The following CNBD1 variants were observed in gnomAD, a reference collection of about 807,000 sequenced individuals.
CNBD1 encodes the protein cyclic nucleotide binding domain containing 1.
Under a neutral mutation model 54.4 loss-of-function variants are expected in CNBD1, and 71 were observed. That is an observed-to-expected ratio of 1.30 (90% CI 1.08 to 1.59). The LOEUF (loss-of-function observed/expected upper bound fraction) is 1.59, where lower values mean the gene tolerates loss of function less well. CNBD1 is among the 40% of genes most tolerant of loss of function. CNBD1 has a pLI of 0.00. For synonymous variants in CNBD1, 182 were observed against 170.7 expected, an observed-to-expected ratio of 1.07 and a Z score of -0.51; for missense variants, 659 against 518.0, an observed-to-expected ratio of 1.27 and a Z score of -2.64.
chr8:87,352,681 T>C (rs78589363), intron 9 of CNBD1, among the ~76,000 whole-genome samples: 2,825 of 152,194 alleles, frequency 0.019, 87 homozygotes, highest in African/African-American at 0.061. Flanking sequence ...TGAATGAGCA[T>C]GTTCTATATA....
intron 10 of CNBD1, among the ~76,000 whole-genome samples, chr8:87,357,491 A>G (rs1810443137): frequency 6.6e-6 from 1 of 152,154 alleles, no homozygotes; most frequent in Non-Finnish European, 1.5e-5. Flanking sequence ...TTAAAATTTT[A>G]ATACCTGCTC....
chr8:87,204,960 C>CTT (rs79939722), intron 4 of CNBD1, among the ~76,000 whole-genome samples: 1 of 145,638 alleles, frequency 6.9e-6, no homozygotes, highest in African/African-American at 2.5e-5. Flanking sequence ...TATTTTTAAA[C>CTT]TTTTTTTTTT....
At chr8:86,965,273 C>A (rs1247957473) in intron 4 of CNBD1, among the ~76,000 whole-genome samples, 1 of 152,046 alleles carries the variant, frequency 6.6e-6, no homozygotes, top group Non-Finnish European at 1.5e-5. Context: ...GCGCGGACAC[C>A]CTAATGGGCA....
intron 2 of CNBD1, among the ~76,000 whole-genome samples, chr8:86,897,398 C>T (rs1808862464): frequency 6.6e-6 from 1 of 152,008 alleles, no homozygotes; most frequent in Non-Finnish European, 1.5e-5. Context: ...TGGCTACTAC[C>T]CTAAGACGGG....
intron 4 of CNBD1, among the ~76,000 whole-genome samples, chr8:87,083,584 T>TC (rs199908663): frequency 7.8e-4 from 113 of 145,414 alleles, no homozygotes; most frequent in South Asian, 1.1e-3. Context: ...CCAATGTATT[T>TC]CTTTTTTTTT....
rs564856856 is a variant in CNBD1, at chr8:86,921,809, C to T, written c.272+16615C>T. On this transcript the variant is annotated intron_variant, in intron 3 of 10. Transcript: ENST00000518476. ...ATTCAGCCAAACTATGTCAAATAAC[C>T]TGTCATTTGTTTATTCAGTAAGACA... Among the ~76,000 whole-genome samples, 5 of 152,166 alleles carry T rather than the reference C, an allele frequency of 3.3e-5. 1 individual carries two copies. In the South Asian group the frequency reaches 8.3e-4, roughly 25 times the overall value.
intron 4 of CNBD1, among the ~76,000 whole-genome samples, chr8:87,084,630 C>T (rs779447733): frequency 6.6e-6 from 1 of 151,248 alleles, no homozygotes; most frequent in Non-Finnish European, 1.5e-5. Context: ...CTTTTAAAAC[C>T]TTTTCTTTAG....
chr8:87,156,856 G>C (rs894536939), intron 4 of CNBD1, among the ~76,000 whole-genome samples: 1 of 152,054 alleles, frequency 6.6e-6, no homozygotes, highest in Admixed American at 6.6e-5. Context: ...ATTCTACTCA[G>C]AAAGTAAATA....
At chr8:86,884,978 T>C (rs1808660535) in intron 1 of CNBD1, among the ~76,000 whole-genome samples, 1 of 152,228 alleles carries the variant, frequency 6.6e-6, no homozygotes, top group Non-Finnish European at 1.5e-5. Flanking sequence ...ATCTCTTTCT[T>C]GCCTCCTAGC....
intron 5 of CNBD1, among the ~76,000 whole-genome samples, chr8:87,229,681 A>G (rs1214463757): frequency 2.6e-5 from 4 of 152,098 alleles, no homozygotes; most frequent in Admixed American, 2.0e-4. Flanking sequence ...ACAATGTTAA[A>G]TTTTTTGTTT....
intron 10 of CNBD1, among the ~76,000 whole-genome samples, chr8:87,364,575 A>AT (rs1202616286): frequency 2.6e-5 from 4 of 151,710 alleles, no homozygotes; most frequent in Non-Finnish European, 5.9e-5. Context: ...TAGTGTATAG[A>AT]TTTTTTTGTC....
intron 8 of CNBD1, among the ~76,000 whole-genome samples, chr8:87,296,028 G>A (rs781338742): frequency 3.9e-5 from 6 of 151,954 alleles, no homozygotes; most frequent in Non-Finnish European, 7.4e-5. Flanking sequence ...ATTGCTGCTT[G>A]GTGCTATTGA....
intron 2 of CNBD1, among the ~76,000 whole-genome samples, chr8:87,404,422 T>G (rs900343094): frequency 2.6e-5 from 4 of 152,030 alleles, no homozygotes; most frequent in Non-Finnish European, 4.4e-5. Context: ...TTTGTTATTC[T>G]TGACAAAATT....
intron 4 of CNBD1, among the ~76,000 whole-genome samples, chr8:86,979,372 T>A (rs183305472): frequency 7.8e-6 from 1 of 127,932 alleles, no homozygotes; most frequent in African/African-American, 3.0e-5. Flanking sequence ...TTGAGACCAG[T>A]CTGGGCAACA....
At chr8:86,886,350 T>C (rs1808680614) in intron 1 of CNBD1, among the ~76,000 whole-genome samples, 1 of 152,168 alleles carries the variant, frequency 6.6e-6, no homozygotes, top group Admixed American at 6.5e-5. Context: ...TTTGGTAACT[T>C]TTTTGTTTCT....
chr8:87,415,569 A>C (rs980312086), intron 2 of CNBD1, among the ~76,000 whole-genome samples: 5 of 152,040 alleles, frequency 3.3e-5, no homozygotes, highest in Admixed American at 3.3e-4. Context: ...TGAACAAGGC[A>C]TGTTGAATGA....
At chr8:87,073,645 G>C (rs1389314019) in intron 4 of CNBD1, among the ~76,000 whole-genome samples, 3 of 152,084 alleles carry the variant, frequency 2.0e-5, no homozygotes, top group African/African-American at 7.2e-5. Flanking sequence ...ACTAGTGAAG[G>C]CTGCAAAGTG....
intron 4 of CNBD1, among the ~76,000 whole-genome samples, chr8:87,091,534 T>C (rs186583994): frequency 1.3e-5 from 2 of 152,344 alleles, no homozygotes; most frequent in Non-Finnish European, 2.9e-5. Context: ...AACTAGGCTT[T>C]TTAAGTCATC....
At chr8:87,426,850 T>C (rs1035710492) in intron 2 of CNBD1, among the ~76,000 whole-genome samples, 4 of 152,206 alleles carry the variant, frequency 2.6e-5, no homozygotes, top group Non-Finnish European at 5.9e-5. Flanking sequence ...AGTTCCTTAA[T>C]TGATTTAATT....
Sources: allele counts gnomAD v4.1 joint callset (sites outside exome capture counted in the v4.1 genomes callset), GRCh38; gene constraint gnomAD v4.1.1; transcripts MANE v1.5; gene names NCBI Gene and HGNC (gene_info 2026-07-23, HGNC 2026-07-21).